Variants in ARHGAP32 observed in about 807,000 individuals in gnomAD.
ARHGAP32 encodes Rho GTPase activating protein 32, also known as rho GTPase-activating protein 32.
Under a neutral mutation model 186.5 loss-of-function variants are expected in ARHGAP32, and 51 were observed. The ratio of observed to expected loss-of-function variants is 0.27; its 90% CI spans 0.22 to 0.35. The LOEUF (loss-of-function observed/expected upper bound fraction) is 0.35. Ranked by LOEUF, ARHGAP32 falls within the 10% of genes least tolerant of loss-of-function variation. The pLI, the probability that ARHGAP32 is intolerant of heterozygous loss-of-function variation, is 1.00. For synonymous variants in ARHGAP32, 950 were observed against 964.3 expected, an observed-to-expected ratio of 0.99 and a Z score of 0.27; for missense variants, 2,186 against 2,623.5, an observed-to-expected ratio of 0.83 and a Z score of 3.64.
rs752499269 is a variant in ARHGAP32, at chr11:129,066,873, T to C, written c.532-5A>G. The C allele has an allele frequency of 1.9e-6, 3 of 1,594,704 alleles. No homozygotes were observed. Among genetic ancestry groups the C allele is most frequent in the South Asian group, 2.3e-5 (2 of 88,630 alleles). On this transcript the variant is annotated splice_polypyrimidine_tract_variant and splice_region_variant and intron_variant, in intron 6 of 22. Transcript: ENST00000682385. ...TTTAACAATCCAACTTTTTCCCTAT[T>C]GGTAGAAAAAAGAAACTCATATAAT...
intron 1 of ARHGAP32, among the ~76,000 whole-genome samples, chr11:129,270,022 A>G (rs989592859): frequency 3.3e-5 from 5 of 152,020 alleles, no homozygotes; most frequent in Admixed American, 6.6e-5. Flanking sequence ...AGGTATTTAC[A>G]CAAGATGAAA....
At chr11:129,050,187 T>A (rs1753600353) in intron 10 of ARHGAP32, among the ~76,000 whole-genome samples, 1 of 152,246 alleles carries the variant, frequency 6.6e-6, no homozygotes, top group Non-Finnish European at 1.5e-5. Context: ...ATTCCAATTC[T>A]TCCACATCCT....
intron 11 of ARHGAP32, among the ~76,000 whole-genome samples, chr11:129,016,307 A>G (rs1938334775): frequency 6.6e-6 from 1 of 152,194 alleles, no homozygotes; most frequent in Non-Finnish European, 1.5e-5. Context: ...CTCCAAGTCT[A>G]TGGTTTATCT....
chr11:129,045,617 TA>T (rs1489911317), intron 10 of ARHGAP32, among the ~76,000 whole-genome samples: 1 of 152,220 alleles, frequency 6.6e-6, no homozygotes, highest in East Asian at 1.9e-4. Flanking sequence ...TTTCACCAAA[TA>T]GTAACAATTT....
chr11:129,172,571 GAACT>G (rs1943790686), intron 1 of ARHGAP32, among the ~76,000 whole-genome samples: 1 of 152,110 alleles, frequency 6.6e-6, no homozygotes, highest in Admixed American at 6.5e-5. Context: ...AAATGCAAAA[GAACT>G]AACTTCACAA....
chr11:129,055,368 G>A lies in ARHGAP32; in HGVS notation c.963+6912C>T, dbSNP rs117284456. On this transcript the variant is annotated intron_variant, in intron 10 of 22. Transcript: ENST00000682385. ...AATGATACAGGCACTTTGGCAGACA[G>A]TGTTGTGGCTTCTCACCAAATTCAA... Among the ~76,000 whole-genome samples the A allele has an allele frequency of 1.4e-4, 21 of 152,326 alleles. No individual in the cohort carries two copies. The East Asian group carries it at 4.0e-3, about 29-fold the overall frequency.
chr11:129,254,115 T>G (rs1458201273), intron 1 of ARHGAP32, among the ~76,000 whole-genome samples: 1 of 152,080 alleles, frequency 6.6e-6, no homozygotes, highest in Non-Finnish European at 1.5e-5. Flanking sequence ...AGTTCAAATA[T>G]TTGACAAGCA....
intron 11 of ARHGAP32, among the ~76,000 whole-genome samples, chr11:129,020,894 TAAGAGGAAAAAA>T (rs1422936115): frequency 6.6e-6 from 1 of 151,894 alleles, no homozygotes; most frequent in Non-Finnish European, 1.5e-5. Flanking sequence ...ACTTTGGAAG[TAAGAGGAAAAAA>T]ACACAGTTCT....
intron 11 of ARHGAP32, 130 bp from the exon 12 acceptor site, chr11:128,998,598 G>C: frequency 1.8e-6 from 1 of 571,348 alleles, no homozygotes; most frequent in Non-Finnish European, 2.7e-6. Flanking sequence ...TAATCTTTAG[G>C]AAAATGTCAG....
chr11:129,242,807 T>C (rs888685878), intron 1 of ARHGAP32, among the ~76,000 whole-genome samples: 1 of 152,122 alleles, frequency 6.6e-6, no homozygotes, highest in Non-Finnish European at 1.5e-5. Context: ...GATTTTTTTT[T>C]TGGACACACC....
intron 15 of ARHGAP32, among the ~76,000 whole-genome samples, chr11:128,983,364 A>T (rs1047798496): frequency 4.0e-5 from 6 of 151,854 alleles, no homozygotes; most frequent in Non-Finnish European, 7.4e-5. Context: ...TAGAGGTGAG[A>T]AGCTTGAGAA....
chr11:129,231,708 C>T (rs181414311), intron 1 of ARHGAP32, among the ~76,000 whole-genome samples: 14 of 152,216 alleles, frequency 9.2e-5, no homozygotes, highest in African/African-American at 3.4e-4. Flanking sequence ...GAAGGGCCAT[C>T]CCAATTCAGA....
chr11:128,987,444 T>A (rs1211266295), intron 13 of ARHGAP32, among the ~76,000 whole-genome samples: 1 of 152,214 alleles, frequency 6.6e-6, no homozygotes, highest in Non-Finnish European at 1.5e-5. Context: ...TGTTAAAGTA[T>A]TAAAATCTCT....
intron 1 of ARHGAP32, among the ~76,000 whole-genome samples, chr11:129,253,929 TATC>T (rs1945220067): frequency 6.6e-6 from 1 of 152,114 alleles, no homozygotes; most frequent in Non-Finnish European, 1.5e-5. Context: ...CTGTGACCGA[TATC>T]ATAGAAAAGT....
chr11:129,190,654 T>C (rs1944252211), intron 1 of ARHGAP32, among the ~76,000 whole-genome samples: 1 of 152,182 alleles, frequency 6.6e-6, no homozygotes, highest in African/African-American at 2.4e-5. Flanking sequence ...ACCAAATCTG[T>C]TATAAAAACA....
chr11:129,128,769 G>A (rs900831019), intron 2 of ARHGAP32, among the ~76,000 whole-genome samples: 1 of 152,198 alleles, frequency 6.6e-6, no homozygotes, highest in Non-Finnish European at 1.5e-5. Flanking sequence ...TTTTTTGGTG[G>A]AGACGGGGTT....
At position 129,164,376 on chromosome 11, in the gene ARHGAP32, T is replaced by G. The variant is rs201492949; in HGVS notation, c.168A>C (p.Leu56=). 5 of 1,582,954 alleles carry G rather than the reference T, an allele frequency of 3.2e-6. No individual in the cohort carries two copies. The highest frequency in any genetic ancestry group is 4.3e-6 in the Non-Finnish European group (5 of 1,162,974). The part of the protein sequence containing the change: ...HSEEDDFVPE[L]HRNVHPRERP... ...GCTCTCGAGGGTGTACATTTCTATG[T>G]AGCTCTGGAACAAAATCATCTTCTT... The change falls in exon 2 of 23, where the codon CTA becomes CTC. Residue 56 remains leucine (L), a synonymous_variant. Coordinates refer to ENST00000682385, the MANE Select transcript of ARHGAP32 (RefSeq NM_001378024.1).
At chr11:129,121,052 A>C (rs993199837) in intron 5 of ARHGAP32, among the ~76,000 whole-genome samples, 1 of 152,232 alleles carries the variant, frequency 6.6e-6, no homozygotes, top group South Asian at 2.1e-4. Flanking sequence ...CAAATGTGCT[A>C]ATTTTTACCT....
chr11:129,011,002 AT>A (rs1938049874), intron 11 of ARHGAP32, among the ~76,000 whole-genome samples: 2 of 152,216 alleles, frequency 1.3e-5, no homozygotes, highest in Admixed American at 1.3e-4. Flanking sequence ...TTAGCAACAA[AT>A]GAGTAAGTGT....
Sources: gnomAD v4.1 joint callset for allele counts (sites outside exome capture counted in the v4.1 genomes callset) on GRCh38, gnomAD v4.1.1 for gene constraint, MANE v1.5 for transcripts, NCBI Gene and HGNC (gene_info 2026-07-23, HGNC 2026-07-21) for gene names.